Variants in FOXP2 observed in about 807,000 individuals in gnomAD.
FOXP2 encodes forkhead box protein P2.
In FOXP2, 12 loss-of-function variants were observed where a neutral mutation model predicts 115.8. That is an observed-to-expected ratio of 0.10 (90% CI 0.07 to 0.17). The LOEUF (loss-of-function observed/expected upper bound fraction) is 0.17, where lower values mean the gene tolerates loss of function less well. Among genes scored for constraint, FOXP2 ranks in the 10% least tolerant of loss-of-function variants. FOXP2 has a pLI of 1.00. For missense variants in FOXP2, 629 were observed against 843.5 expected (o/e 0.75, Z 3.15); for synonymous variants, 328 against 297.7 (o/e 1.10, Z -1.05).
intron 2 of FOXP2, among the ~76,000 whole-genome samples, chr7:114,333,099 GAAT>G (rs1797752396): frequency 6.6e-6 from 1 of 152,044 alleles, no homozygotes; most frequent in African/African-American, 2.4e-5. Context: ...ATTCTCGGAG[GAAT>G]AATAATATTT....
intron 16 of FOXP2, among the ~76,000 whole-genome samples, chr7:114,688,528 A>T (rs1428017574): frequency 6.6e-6 from 1 of 152,168 alleles, no homozygotes; most frequent in African/African-American, 2.4e-5. Flanking sequence ...TTGATAAGGA[A>T]TCTTTTTCAC....
chr7:114,657,516 AT>A (rs753145213), intron 10 of FOXP2, among the ~76,000 whole-genome samples: 2 of 152,166 alleles, frequency 1.3e-5, no homozygotes, highest in Non-Finnish European at 2.9e-5. Context: ...AATTAAGACA[AT>A]TTTGTTTGAA....
At chr7:114,652,363 G>A in intron 9 of FOXP2, 73 bp downstream of exon 9, 1 of 1,340,694 alleles carries the variant, frequency 7.5e-7, no homozygotes, top group Non-Finnish European at 1.1e-6. Context: ...AGCAGATTCT[G>A]GGTCTTTCAG....
At chr7:114,172,816 T>C (rs1376947260) in intron 1 of FOXP2, among the ~76,000 whole-genome samples, 1 of 152,072 alleles carries the variant, frequency 6.6e-6, no homozygotes, top group Non-Finnish European at 1.5e-5. Flanking sequence ...TGAGAAAAAG[T>C]GAGATAATTT....
At chr7:114,487,424 C>A (rs775667682) in intron 2 of FOXP2, among the ~76,000 whole-genome samples, 4 of 152,140 alleles carry the variant, frequency 2.6e-5, no homozygotes, top group Non-Finnish European at 4.4e-5. Context: ...GAAGGAGGGG[C>A]TGCTGTGAAG....
At chr7:114,374,498 G>A (rs1439987439) in intron 2 of FOXP2, among the ~76,000 whole-genome samples, 1 of 152,072 alleles carries the variant, frequency 6.6e-6, no homozygotes, top group Non-Finnish European at 1.5e-5. Flanking sequence ...ACTAGAGACT[G>A]GAAGGACCCA....
intron 3 of FOXP2, among the ~76,000 whole-genome samples, chr7:114,572,597 T>C (rs144087161): frequency 0.016 from 2,403 of 151,916 alleles, 26 homozygotes; most frequent in Non-Finnish European, 0.025. Context: ...TTAAAAATAG[T>C]GCATTAAAAA....
chr7:114,640,730 G>A (rs1480213264), intron 6 of FOXP2, among the ~76,000 whole-genome samples: 4 of 152,112 alleles, frequency 2.6e-5, no homozygotes, highest in African/African-American at 9.7e-5. Context: ...GTAGATGTAT[G>A]TTCGGTTGGG....
At position 114,693,051 on chromosome 7, in the gene FOXP2, A is replaced by G. The variant is rs891356903; in HGVS notation, c.*3125A>G. 13 of 453,802 alleles carry G rather than the reference A, an allele frequency of 2.9e-5. No individual in the cohort carries two copies. The highest frequency in any genetic ancestry group is 2.4e-4 in the African/African-American group (12 of 49,996). 28.1% of individuals were successfully genotyped at this position (453,802 alleles called of 1,614,324 possible). On this transcript the variant is annotated 3_prime_UTR_variant, in exon 17 of 17. Coordinates refer to ENST00000350908, the MANE Select transcript of FOXP2 (RefSeq NM_014491.4). ...AGGGAGTTATCAGATTTTATTTTAC[A>G]TAGTTTTAGTCTACAAAGACACAAT...
At chr7:114,169,337 C>T (rs1793073617) in intron 1 of FOXP2, among the ~76,000 whole-genome samples, 1 of 152,242 alleles carries the variant, frequency 6.6e-6, no homozygotes, top group Admixed American at 6.5e-5. Flanking sequence ...CATGGGAACC[C>T]ACCTCTTGCA....
At position 114,390,904 on chromosome 7, in the gene FOXP2, C is replaced by T. The variant is rs559176301; in HGVS notation, c.-10-35598C>T. Among the ~76,000 whole-genome samples, 10 of 152,170 alleles carry T rather than the reference C, an allele frequency of 6.6e-5. No homozygotes were observed. The South Asian group carries it at 2.1e-3, about 32-fold the overall frequency. On this transcript the variant is annotated intron_variant, in intron 2 of 17. Coordinates refer to the FOXP2 transcript ENST00000634411. ...TTTTCAACATTAAAAAATCTGACTT[C>T]TTGGCCAGACACAGTGGCTCATGTC...
At chr7:114,391,473 G>T (rs916958169) in intron 2 of FOXP2, among the ~76,000 whole-genome samples, 2 of 152,102 alleles carry the variant, frequency 1.3e-5, no homozygotes, top group Non-Finnish European at 2.9e-5. Context: ...ATGTTTTTTG[G>T]TGTGGTACTT....
chr7:114,458,345 C>A (rs553658549), intron 2 of FOXP2, among the ~76,000 whole-genome samples: 2 of 151,504 alleles, frequency 1.3e-5, no homozygotes, highest in Admixed American at 6.6e-5. Flanking sequence ...CTTGTGTATT[C>A]CCATGGGAGT....
intron 2 of FOXP2, among the ~76,000 whole-genome samples, chr7:114,520,111 GT>G (rs1378102759): frequency 6.6e-6 from 1 of 152,000 alleles, no homozygotes; most frequent in African/African-American, 2.4e-5. Flanking sequence ...AGTTACCTAG[GT>G]CCTTATCAAT....
intron 2 of FOXP2, among the ~76,000 whole-genome samples, chr7:114,348,341 C>T (rs1303763815): frequency 6.6e-6 from 1 of 151,808 alleles, no homozygotes; most frequent in East Asian, 1.9e-4. Flanking sequence ...ACTGTCTTTC[C>T]TCTACCTTCA....
chr7:114,377,415 T>C (rs1792168295), intron 2 of FOXP2, among the ~76,000 whole-genome samples: 1 of 152,116 alleles, frequency 6.6e-6, no homozygotes, highest in African/African-American at 2.4e-5. Context: ...GGGGAGGTAA[T>C]AGAAAAGAAG....
At position 114,628,588 on chromosome 7, in the gene FOXP2, C is replaced by A; in HGVS notation, c.307C>A (p.Gln103Lys). Reference sequence around the variant, plus strand: ...GACTCCCCAGGTGATCACCCCTCAGCAAATGCAGCAGATCCTTCAGCAACA... The same window carrying A: ...GACTCCCCAGGTGATCACCCCTCAGAAAATGCAGCAGATCCTTCAGCAACA... ...MMTPQVITPQ[Q>K]MQQILQQQVL... is the part of the protein sequence containing the mutation. Residue 103 changes from glutamine to lysine, a missense_variant, in exon 4 of 17, where the codon CAA (glutamine) becomes AAA (lysine). Around this residue, in one of 9 missense-constraint regions of FOXP2, gnomAD observed 138 missense variants for 205.1 expected, o/e 0.67. Transcript: ENST00000350908. 1.2e-6 allele frequency: 2 copies of A among 1,614,118 alleles called. No individual in the cohort carries two copies. The highest frequency in any genetic ancestry group is 1.7e-6 in the Non-Finnish European group (2 of 1,180,002).
chr7:114,663,790 A>G (rs1028684985), intron 15 of FOXP2, among the ~76,000 whole-genome samples: 2 of 152,148 alleles, frequency 1.3e-5, no homozygotes, highest in Non-Finnish European at 2.9e-5. Flanking sequence ...GCATGTGGCT[A>G]TGCATTAATA....
intron 2 of FOXP2, among the ~76,000 whole-genome samples, chr7:114,438,626 T>C (rs1235973724): frequency 1.3e-5 from 2 of 152,100 alleles, no homozygotes; most frequent in African/African-American, 4.8e-5. Context: ...TTATGTAGAA[T>C]TTTTCCCATT....
Sources: gnomAD v4.1 joint callset for allele counts (sites outside exome capture counted in the v4.1 genomes callset) on GRCh38, gnomAD v4.1.1 for gene constraint, gnomAD v4.1.1 regional missense constraint, MANE v1.5 for transcripts, NCBI Gene and HGNC (gene_info 2026-07-23, HGNC 2026-07-21) for gene names.